Variants in CCDC152 observed in about 807,000 individuals in gnomAD.
CCDC152 encodes coiled-coil domain containing 152.
A neutral mutation model predicts 38.1 loss-of-function variants in CCDC152; 37 were observed. The observed-to-expected ratio is 0.97, with a 90% confidence interval of 0.75 to 1.28. The LOEUF (loss-of-function observed/expected upper bound fraction) is 1.28. Among genes scored for constraint, CCDC152 ranks in the 50% most tolerant of loss-of-function variants. CCDC152 has a pLI of 0.00. For missense variants in CCDC152, 259 were observed against 292.1 expected (o/e 0.89, Z 0.83); for synonymous variants, 83 against 87.1 (o/e 0.95, Z 0.26).
At chr5:42,798,871 A>G (rs1401836968) in intron 7 of CCDC152, among the ~76,000 whole-genome samples, 3 of 152,214 alleles carry the variant, frequency 2.0e-5, no homozygotes, top group Admixed American at 6.5e-5. Flanking sequence ...GGTTCAAACT[A>G]TATCGACAAG....
intron 1 of CCDC152, among the ~76,000 whole-genome samples, chr5:42,758,840 A>C (rs1247891839): frequency 1.3e-5 from 2 of 152,234 alleles, no homozygotes; most frequent in Non-Finnish European, 2.9e-5. Context: ...AATTACAGTT[A>C]AAAGTCATGC....
chr5:42,771,943 C>T (rs919493582), intron 4 of CCDC152, among the ~76,000 whole-genome samples: 1 of 152,132 alleles, frequency 6.6e-6, no homozygotes, highest in Non-Finnish European at 1.5e-5. Context: ...CAAAATCAGA[C>T]AAAGACACTG....
At position 42,781,718 on chromosome 5, in the gene CCDC152, A is replaced by G. The variant is rs545772208; in HGVS notation, c.328-1756A>G. ...GCACTCCCATTCATTCAAGAAATATATATCAAGATATATGTGTGTGCACAT... is the reference window on the plus strand; with the variant it reads ...GCACTCCCATTCATTCAAGAAATATGTATCAAGATATATGTGTGTGCACAT... On this transcript the variant is annotated intron_variant, in intron 5 of 8. Transcript: ENST00000361970. Among the ~76,000 whole-genome samples, 40 of 152,324 alleles carry G rather than the reference A, an allele frequency of 2.6e-4. No individual in the cohort carries two copies. The South Asian group carries it at 7.7e-3, about 29-fold the overall frequency.
intron 5 of CCDC152, 149 bp from the exon 6 acceptor site, chr5:42,783,325 T>C: frequency 4.2e-6 from 1 of 240,384 alleles, no homozygotes; most frequent in East Asian, 1.2e-4. Context: ...TTATATTACA[T>C]TTATAGTAAC....
Position 42,801,022 on chromosome 5 carries a change from T to C in CCDC152, c.*1241T>C. ...GGCAATTTACAGAGTAATTGATTTATACATCTCTTTCGACAGAGCTTCTTT... is the reference window on the plus strand; with the variant it reads ...GGCAATTTACAGAGTAATTGATTTACACATCTCTTTCGACAGAGCTTCTTT... On this transcript the variant is annotated 3_prime_UTR_variant, in exon 9 of 9. Transcript: ENST00000361970. 6.2e-7 allele frequency: 1 copy of C among 1,614,084 alleles called. No individual in the cohort carries two copies. Among genetic ancestry groups the C allele is most frequent in the Non-Finnish European group, 8.5e-7 (1 of 1,179,858 alleles).
intron 4 of CCDC152, 75 bp downstream of exon 4, chr5:42,769,740 A>AT: frequency 1.4e-6 from 2 of 1,405,116 alleles, no homozygotes; most frequent in Non-Finnish European, 1.9e-6. Context: ...AAGTTTTTAC[A>AT]TGGTTGATAA....
At chr5:42,777,878 G>C (rs530371679) in intron 4 of CCDC152, among the ~76,000 whole-genome samples, 73 of 151,350 alleles carry the variant, frequency 4.8e-4, no homozygotes, top group African/African-American at 1.8e-3. Context: ...TCTTAGTTTT[G>C]TTTATAGTCA....
intron 5 of CCDC152, among the ~76,000 whole-genome samples, chr5:42,780,847 C>T (rs1759835119): frequency 6.6e-6 from 1 of 152,148 alleles, no homozygotes. Context: ...AAGAGTGAAA[C>T]TGGAGGCTAT....
intron 6 of CCDC152, among the ~76,000 whole-genome samples, chr5:42,788,011 A>G (rs1485310234): frequency 6.6e-6 from 1 of 152,110 alleles, no homozygotes; most frequent in African/African-American, 2.4e-5. Flanking sequence ...TTATAGTCTC[A>G]GTTGTTTGTT....
intron 1 of CCDC152, 21 bp from the exon 2 acceptor site, chr5:42,759,099 T>C: frequency 6.9e-7 from 1 of 1,454,830 alleles, no homozygotes; most frequent in Non-Finnish European, 9.4e-7. Flanking sequence ...TTTAACACTA[T>C]CTACTGTTTA....
intron 3 of CCDC152, among the ~76,000 whole-genome samples, chr5:42,766,451 A>G (rs1377009997): frequency 2.6e-5 from 4 of 152,070 alleles, no homozygotes; most frequent in African/African-American, 9.7e-5. Context: ...TATGTTAAAG[A>G]GAGATCTGCA....
Position 42,801,301 on chromosome 5 carries a change from C to T in CCDC152, c.*1520C>T, listed in dbSNP as rs1760195988. On this transcript the variant is annotated 3_prime_UTR_variant, in exon 9 of 9. Transcript: ENST00000361970. The stretch of plus-strand genomic sequence containing the variant: ...GTTTTATCCACAGTAGCCAAAGATA[C>T]ACGTTTACAAAAGTCTTCATCTTTG... The T allele has an allele frequency of 6.2e-7, 1 of 1,611,592 alleles. No individual in the cohort carries two copies. Among genetic ancestry groups the T allele is most frequent in the Non-Finnish European group, 8.5e-7 (1 of 1,178,862 alleles).
intron 1 of CCDC152, among the ~76,000 whole-genome samples, chr5:42,757,251 C>T (rs1759492544): frequency 6.6e-6 from 1 of 152,254 alleles, no homozygotes; most frequent in Admixed American, 6.5e-5. Context: ...CCAGGGGACC[C>T]AGGCTTCAGG....
intron 3 of CCDC152, among the ~76,000 whole-genome samples, chr5:42,763,287 A>G (rs1237573661): frequency 6.6e-6 from 1 of 152,246 alleles, no homozygotes; most frequent in African/African-American, 2.4e-5. Context: ...TATAAAATAA[A>G]CATCCATAAA....
intron 6 of CCDC152, 141 bp from the exon 7 acceptor site, chr5:42,796,688 C>T (rs1760080228): frequency 1.8e-6 from 1 of 560,968 alleles, no homozygotes. Context: ...AAAAGCTATT[C>T]TATACCTACA....
intron 6 of CCDC152, among the ~76,000 whole-genome samples, chr5:42,792,976 A>G (rs1225065869): frequency 2.0e-5 from 3 of 152,218 alleles, no homozygotes; most frequent in Non-Finnish European, 2.9e-5. Context: ...ATGAAAGCAT[A>G]TGTCTACCCA....
At chr5:42,779,367 C>T (rs1364447865) in intron 4 of CCDC152, 91 bp from the exon 5 acceptor site, 2 of 737,648 alleles carry the variant, frequency 2.7e-6, no homozygotes, top group African/African-American at 3.6e-5. Context: ...TTGTTGAATG[C>T]ATACATAATG....
rs1760086249 is a variant in CCDC152, at chr5:42,797,099, A to G, written c.558+143A>G. The G allele has an allele frequency of 6.5e-6, 4 of 610,834 alleles. No individual in the cohort carries two copies. In the East Asian group the frequency reaches 1.1e-4, roughly 17 times the overall value. 37.8% of individuals were successfully genotyped at this position (610,834 alleles called of 1,614,324 possible). On this transcript the variant is annotated intron_variant, in intron 7 of 8. Coordinates refer to ENST00000361970, the MANE Select transcript of CCDC152 (RefSeq NM_001134848.2). ...CTTCACACATGCTCATTCTCCACCA[A>G]ATGATTGCAGTAATCACATACCATA...
Position 42,762,479 on chromosome 5 carries a change from G to T in CCDC152, c.124G>T (p.Asp42Tyr). The T allele has an allele frequency of 6.5e-7, 1 of 1,535,710 alleles. No homozygotes were observed. Among genetic ancestry groups the T allele is most frequent in the Non-Finnish European group, 8.8e-7 (1 of 1,132,904 alleles). The stretch of plus-strand genomic sequence containing the variant: ...AACCAATGGAAAGAACAATATACTG[G>T]ATATTCAGTTGGAAAAAAGTAATTG... Reference protein sequence around the residue: ...VETNGKNNILDIQLEKSNCLL... With the variant: ...VETNGKNNILYIQLEKSNCLL... The change falls in exon 3 of 9, where the codon GAT becomes TAT. Residue 42 changes from aspartate (D) to tyrosine (Y), a missense_variant. Physicochemically the swap from Asp to Tyr is radical, Grantham distance 160. Coordinates refer to ENST00000361970, the MANE Select transcript of CCDC152 (RefSeq NM_001134848.2).
Sources: allele counts gnomAD v4.1 joint callset (sites outside exome capture counted in the v4.1 genomes callset), GRCh38; gene constraint gnomAD v4.1.1; transcripts MANE v1.5; gene names NCBI Gene and HGNC (gene_info 2026-07-23, HGNC 2026-07-21).